CHCHD6: variants seen among roughly 807,000 people sequenced by gnomAD.
CHCHD6 encodes the protein coiled-coil-helix-coiled-coil-helix domain containing 6.
CHCHD6 carries 28 observed loss-of-function variants against 32.3 expected under a neutral mutation model. That is an observed-to-expected ratio of 0.87 (90% CI 0.64 to 1.19). CHCHD6 has a LOEUF of 1.19. Among genes scored for constraint, CHCHD6 ranks in the 50% most tolerant of loss-of-function variants. The pLI, the probability that CHCHD6 is intolerant of heterozygous loss-of-function variation, is 0.00. For synonymous variants in CHCHD6, 122 were observed against 117.5 expected, an observed-to-expected ratio of 1.04 and a Z score of -0.25; for missense variants, 333 against 307.0, an observed-to-expected ratio of 1.08 and a Z score of -0.63.
In CHCHD6 at chr3:126,730,605, T is replaced by C. The variant is rs1461768219; in HGVS notation, c.241T>C (p.Ser81Pro). 6 of 1,613,876 alleles carry C rather than the reference T, an allele frequency of 3.7e-6. No individual in the cohort carries two copies. In the South Asian group the frequency reaches 6.6e-5, roughly 18 times the overall value. ...GGGGAGCAGTGGTGGCCAGCAGCCC[T>C]CAGGGATGAAGGAGGGTGTCAAGAG... Reference protein sequence around the residue: ...RSGSSGGQQPSGMKEGVKRYE... With the variant: ...RSGSSGGQQPPGMKEGVKRYE... The change falls in exon 3 of 8, where the codon TCA becomes CCA. Residue 81 changes from serine to proline, a missense_variant. Ser to Pro is a moderately conservative substitution (Grantham distance 74). Coordinates refer to ENST00000290913, the MANE Select transcript of CHCHD6 (RefSeq NM_032343.3).
intron 4 of CHCHD6, among the ~76,000 whole-genome samples, chr3:126,822,255 G>T (rs190153660): frequency 1.3e-5 from 2 of 152,188 alleles, no homozygotes; most frequent in East Asian, 1.9e-4. Flanking sequence ...GTGAGGTTGG[G>T]GTCTAGTTTA....
chr3:126,890,792 G>A (rs540953908), intron 5 of CHCHD6, among the ~76,000 whole-genome samples: 5 of 152,262 alleles, frequency 3.3e-5, no homozygotes, highest in South Asian at 2.1e-4. Context: ...TCTGAGCAGC[G>A]GTTCTCAGCC....
At chr3:126,816,940 C>T (rs769605314) in intron 4 of CHCHD6, among the ~76,000 whole-genome samples, 1 of 152,086 alleles carries the variant, frequency 6.6e-6, no homozygotes, top group Non-Finnish European at 1.5e-5. Flanking sequence ...TCAATTTCCA[C>T]CTATGAGTGA....
At position 126,766,640 on chromosome 3, in the gene CHCHD6, C is replaced by T; in HGVS notation, c.411+33418C>T. 5 of 1,025,502 alleles carry T rather than the reference C, an allele frequency of 4.9e-6. No homozygotes were observed. In the South Asian group the frequency reaches 5.1e-5, roughly 10 times the overall value. 63.5% of individuals were successfully genotyped at this position (1,025,502 alleles called of 1,614,324 possible). A position where few individuals can be genotyped will look rare whatever the true frequency, so the allele number is the denominator to read the frequency against. ...GTTCCCCGAAGGTCGGTGATGGGCCCCAGCTATGGTGCTCTCTCGGTGGCC... is the reference window on the plus strand; with the variant it reads ...GTTCCCCGAAGGTCGGTGATGGGCCTCAGCTATGGTGCTCTCTCGGTGGCC... On this transcript the variant is annotated intron_variant, in intron 4 of 7. Transcript: ENST00000290913.
At chr3:126,797,410 A>C (rs921713165) in intron 4 of CHCHD6, among the ~76,000 whole-genome samples, 3 of 152,150 alleles carry the variant, frequency 2.0e-5, no homozygotes, top group African/African-American at 4.8e-5. Flanking sequence ...AAAATACTGA[A>C]AAGACCTTGA....
At chr3:126,719,389 C>T (rs1056370329) in intron 1 of CHCHD6, among the ~76,000 whole-genome samples, 2 of 152,222 alleles carry the variant, frequency 1.3e-5, no homozygotes, top group Non-Finnish European at 2.9e-5. Context: ...TTCTTGCCCC[C>T]CCTGCCCTGC....
At chr3:126,810,753 A>C (rs1199821364) in intron 4 of CHCHD6, among the ~76,000 whole-genome samples, 1 of 152,240 alleles carries the variant, frequency 6.6e-6, no homozygotes, top group Non-Finnish European at 1.5e-5. Flanking sequence ...GTAAGTTTAA[A>C]ACTATTCCAA....
chr3:126,918,921 G>A (rs1281630430), intron 6 of CHCHD6, among the ~76,000 whole-genome samples: 1 of 152,188 alleles, frequency 6.6e-6, no homozygotes, highest in Non-Finnish European at 1.5e-5. Context: ...GTATAAATGA[G>A]TTAAAATTTT....
At chr3:126,824,369 C>T (rs1940288451) in intron 4 of CHCHD6, among the ~76,000 whole-genome samples, 1 of 151,132 alleles carries the variant, frequency 6.6e-6, no homozygotes, top group Non-Finnish European at 1.5e-5. Context: ...CGAGACCAGC[C>T]TGACCAACAT....
intron 5 of CHCHD6, among the ~76,000 whole-genome samples, chr3:126,858,624 C>T (rs918080738): frequency 1.3e-5 from 2 of 152,198 alleles, no homozygotes; most frequent in Non-Finnish European, 2.9e-5. Context: ...CTCGCCTCCT[C>T]GTGTGACTGG....
At chr3:126,875,280 C>T (rs1196369323) in intron 5 of CHCHD6, among the ~76,000 whole-genome samples, 1 of 152,244 alleles carries the variant, frequency 6.6e-6, no homozygotes, top group African/African-American at 2.4e-5. Flanking sequence ...CTGGGGAACC[C>T]GTGGCCTGTG....
intron 4 of CHCHD6, among the ~76,000 whole-genome samples, chr3:126,781,844 C>T (rs951471698): frequency 2.0e-5 from 3 of 152,182 alleles, no homozygotes; most frequent in African/African-American, 7.2e-5. Flanking sequence ...GATCCAGAGG[C>T]CCAAAGTCTT....
chr3:126,783,865 A>G (rs1209862991), intron 4 of CHCHD6, among the ~76,000 whole-genome samples: 1 of 152,098 alleles, frequency 6.6e-6, no homozygotes, highest in African/African-American at 2.4e-5. Context: ...GGGGTCTGGT[A>G]CAAACTGGGA....
intron 4 of CHCHD6, among the ~76,000 whole-genome samples, chr3:126,742,222 C>T (rs1936316650): frequency 6.6e-6 from 1 of 152,162 alleles, no homozygotes; most frequent in African/African-American, 2.4e-5. Flanking sequence ...GAACCCAAAG[C>T]CTCAATTCTT....
chr3:126,891,199 C>A (rs1033435120), intron 5 of CHCHD6, among the ~76,000 whole-genome samples: 1 of 152,124 alleles, frequency 6.6e-6, no homozygotes, highest in Non-Finnish European at 1.5e-5. Context: ...TATACCATGT[C>A]GGAAAGGCCT....
rs145299453 is a variant in CHCHD6, at chr3:126,864,268, C to G, written c.495+11538C>G. 2.4e-3 allele frequency among the ~76,000 whole-genome samples: 360 copies of G among 150,360 alleles called. 1 individual carries two copies. Among genetic ancestry groups the G allele is most frequent in the African/African-American group, 8.3e-3 (341 of 40,872 alleles). On this transcript the variant is annotated intron_variant, in intron 5 of 7. Coordinates refer to ENST00000290913, the MANE Select transcript of CHCHD6 (RefSeq NM_032343.3). ...TCCACCATCACCATCTCCCCCTCCT[C>G]CATCACCACCTCCTCCTCCATCACC...
At chr3:126,872,291 C>T (rs927750377) in intron 5 of CHCHD6, among the ~76,000 whole-genome samples, 1 of 152,170 alleles carries the variant, frequency 6.6e-6, no homozygotes, top group Non-Finnish European at 1.5e-5. Flanking sequence ...GACCCAGCTT[C>T]TCGGGAGGCT....
At position 126,858,296 on chromosome 3, in the gene CHCHD6, A is replaced by AGGTGCG. The variant is rs1553748099; in HGVS notation, c.495+5568_495+5569insTGCGGG. 1.4e-3 allele frequency among the ~76,000 whole-genome samples: 6 copies of AGGTGCG among 4,322 alleles called. 1 individual carries two copies. Among genetic ancestry groups the AGGTGCG allele is most frequent in the Admixed American group, 2.5e-3 (1 of 402 alleles). 2.8% of individuals were successfully genotyped at this position (4,322 alleles called of 152,430 possible). A position where few individuals can be genotyped will look rare whatever the true frequency, so the allele number is the denominator to read the frequency against. On this transcript the variant is annotated intron_variant, in intron 5 of 7. Coordinates refer to ENST00000290913, the MANE Select transcript of CHCHD6 (RefSeq NM_032343.3). The stretch of plus-strand genomic sequence containing the variant: ...TGACTAGCAGGGGTCATGTGGTGGC[A>AGGTGCG]GGGGCGGGGGCGGGGGGGAGGGGTG...
chr3:126,863,491 T>C, intron 5 of CHCHD6, among the ~76,000 whole-genome samples: 1 of 131,066 alleles, frequency 7.6e-6, no homozygotes. Context: ...CACCACCTCC[T>C]CCTCCTCTAC....
Sources: gnomAD v4.1 joint callset for allele counts (sites outside exome capture counted in the v4.1 genomes callset) on GRCh38, gnomAD v4.1.1 for gene constraint, MANE v1.5 for transcripts, NCBI Gene and HGNC (gene_info 2026-07-23, HGNC 2026-07-21) for gene names.